Variants in PDE1C observed in about 807,000 individuals in gnomAD.
The protein encoded by PDE1C is dual specificity calcium/calmodulin-dependent 3',5'-cyclic nucleotide phosphodiesterase 1C.
A neutral mutation model predicts 93.1 loss-of-function variants in PDE1C; 62 were observed. That is an observed-to-expected ratio of 0.67 (90% confidence interval 0.54 to 0.82). PDE1C has a LOEUF of 0.82. Among genes scored for constraint, PDE1C ranks in the 40% least tolerant of loss-of-function variants. PDE1C has a pLI of 0.00. For synonymous variants in PDE1C, 325 were observed against 310.1 expected (o/e 1.05, Z -0.50); for missense variants, 742 against 884.6 (o/e 0.84, Z 2.04).
intron 2 of PDE1C, among the ~76,000 whole-genome samples, chr7:31,970,176 T>C (rs921097302): frequency 6.6e-6 from 1 of 152,024 alleles, no homozygotes; most frequent in African/African-American, 2.4e-5. Context: ...GAAAAAAGTG[T>C]CTAGAGAATG....
intron 1 of PDE1C, among the ~76,000 whole-genome samples, chr7:32,329,795 T>C (rs1488874703): frequency 1.3e-5 from 2 of 152,196 alleles, no homozygotes; most frequent in South Asian, 2.1e-4. Context: ...AACTAGTGTA[T>C]ACAGAAGGGA....
intron 1 of PDE1C, among the ~76,000 whole-genome samples, chr7:32,259,849 G>T (rs991305847): frequency 6.6e-6 from 1 of 152,116 alleles, no homozygotes; most frequent in East Asian, 1.9e-4. Flanking sequence ...TGATGAATGG[G>T]TTTACTTTGC....
intron 16 of PDE1C, among the ~76,000 whole-genome samples, chr7:31,791,335 C>A (rs981796164): frequency 6.6e-6 from 1 of 152,072 alleles, no homozygotes; most frequent in Admixed American, 6.6e-5. Flanking sequence ...AGAGAAATAA[C>A]AGACAAAAGT....
At chr7:32,335,821 T>C (rs1562679314) in intron 1 of PDE1C, among the ~76,000 whole-genome samples, 1 of 152,054 alleles carries the variant, frequency 6.6e-6, no homozygotes, top group Non-Finnish European at 1.5e-5. Flanking sequence ...CTCAACCTCC[T>C]AGCCACAAGT....
intron 2 of PDE1C, among the ~76,000 whole-genome samples, chr7:31,946,869 T>C (rs1378446476): frequency 6.6e-6 from 1 of 152,196 alleles, no homozygotes; most frequent in Non-Finnish European, 1.5e-5. Flanking sequence ...TTTTCCTTGC[T>C]ATTTGGCATG....
intron 2 of PDE1C, among the ~76,000 whole-genome samples, chr7:31,981,207 T>C (rs1261058573): frequency 1.3e-5 from 2 of 152,214 alleles, no homozygotes; most frequent in Non-Finnish European, 2.9e-5. Context: ...TATGTCAGGC[T>C]ATAGTCAAGA....
chr7:31,998,775 C>G (rs1376148922), intron 2 of PDE1C, among the ~76,000 whole-genome samples: 2 of 152,198 alleles, frequency 1.3e-5, no homozygotes, highest in African/African-American at 4.8e-5. Context: ...TTTATTTCCA[C>G]AGCCAAATCC....
At chr7:32,175,332 T>C (rs534250766) in intron 2 of PDE1C, among the ~76,000 whole-genome samples, 1 of 152,364 alleles carries the variant, frequency 6.6e-6, no homozygotes, top group Admixed American at 6.5e-5. Context: ...ATAAAAATTA[T>C]GTTTACACTG....
the PDE1C span, among the ~76,000 whole-genome samples, chr7:31,689,564 C>A: frequency 1.3e-5 from 2 of 152,010 alleles, no homozygotes; most frequent in African/African-American, 4.8e-5. Flanking sequence ...TTTCCTATGT[C>A]AAGAATTAGA....
chr7:32,184,272 A>G (rs1159104234), intron 2 of PDE1C, among the ~76,000 whole-genome samples: 1 of 152,212 alleles, frequency 6.6e-6, no homozygotes. Flanking sequence ...TAGAAATACC[A>G]TTTGACCCAG....
chr7:31,798,147 C>T (rs895948701), intron 16 of PDE1C, among the ~76,000 whole-genome samples: 2 of 151,790 alleles, frequency 1.3e-5, no homozygotes, highest in Admixed American at 6.6e-5. Flanking sequence ...ACCAACTGGC[C>T]AGTTGACATG....
At chr7:31,877,535 C>CT (rs941246859) in intron 5 of PDE1C, among the ~76,000 whole-genome samples, 13 of 150,856 alleles carry the variant, frequency 8.6e-5, no homozygotes, top group East Asian at 3.9e-4. Context: ...CTAATTAACT[C>CT]TTTTTTTTTA....
chr7:31,825,113 G>C (rs969324598), intron 12 of PDE1C, 126 bp from the exon 13 acceptor site: 7 of 1,184,010 alleles, frequency 5.9e-6, no homozygotes, highest in Non-Finnish European at 2.4e-6. Flanking sequence ...CTTATGTACT[G>C]TATGTATTCC....
intron 2 of PDE1C, among the ~76,000 whole-genome samples, chr7:31,895,018 G>C (rs958446303): frequency 6.6e-6 from 1 of 152,064 alleles, no homozygotes; most frequent in Non-Finnish European, 1.5e-5. Context: ...GTGACTCCCA[G>C]GACACCCTTA....
chr7:32,182,347 C>A (rs7806021), intron 2 of PDE1C, among the ~76,000 whole-genome samples: 11,198 of 152,160 alleles, frequency 0.074, 629 homozygotes, highest in East Asian at 0.33. Flanking sequence ...ACACAACAAA[C>A]AAAGAGAATT....
chr7:32,299,887 G>T (rs528982160), upstream of PDE1C, among the ~76,000 whole-genome samples: 11 of 152,302 alleles, frequency 7.2e-5, no homozygotes, highest in East Asian at 1.9e-3. Flanking sequence ...AGAGTCCACG[G>T]TATAACAATG....
chr7:32,280,931 G>C (rs1811589330), intron 1 of PDE1C, among the ~76,000 whole-genome samples: 2 of 152,178 alleles, frequency 1.3e-5, no homozygotes, highest in Admixed American at 6.5e-5. Context: ...GCTACCGTGA[G>C]CTATGATCAT....
chr7:31,657,085 TTA>T, the PDE1C span, among the ~76,000 whole-genome samples: 6 of 8,616 alleles, frequency 7.0e-4, no homozygotes, highest in Non-Finnish European at 1.2e-3. Context: ...CATATATATT[TTA>T]TATATGATAT....
intron 3 of PDE1C, among the ~76,000 whole-genome samples, chr7:32,162,206 G>T (rs1256022244): frequency 6.6e-6 from 1 of 152,172 alleles, no homozygotes; most frequent in Non-Finnish European, 1.5e-5. Context: ...AGATACTAAA[G>T]AAAATTGTGA....
Sources: gnomAD v4.1 joint callset for allele counts (sites outside exome capture counted in the v4.1 genomes callset) on GRCh38, gnomAD v4.1.1 for gene constraint, MANE v1.5 for transcripts, NCBI Gene and HGNC (gene_info 2026-07-23, HGNC 2026-07-21) for gene names.